EML1: variants seen among roughly 807,000 people sequenced by gnomAD.
The protein encoded by EML1 is echinoderm microtubule-associated protein-like 1.
In EML1, 27 loss-of-function variants were observed where a neutral mutation model predicts 110.4. The observed-to-expected ratio is 0.24, with a 90% CI of 0.18 to 0.34. The LOEUF (loss-of-function observed/expected upper bound fraction) is 0.34. EML1 is among the 10% of genes least tolerant of loss of function. EML1 has a pLI of 1.00. For missense variants in EML1, 741 were observed against 1,030.9 expected, an observed-to-expected ratio of 0.72 and a Z score of 3.85; for synonymous variants, 344 against 385.8, an observed-to-expected ratio of 0.89 and a Z score of 1.27.
intron 5 of EML1, chr14:99,892,334 A>G (rs2059601250): frequency 2.2e-6 from 1 of 444,932 alleles, no homozygotes; most frequent in South Asian, 9.6e-5. Context: ...GATTCATTTT[A>G]AGTTAAACGC....
At chr14:99,796,420 T>G (rs2057775880) in intron 1 of EML1, among the ~76,000 whole-genome samples, 2 of 152,150 alleles carry the variant, frequency 1.3e-5, no homozygotes, top group Admixed American at 1.3e-4. Flanking sequence ...CTTTCTCATT[T>G]AAGCAGAAAA....
chr14:99,866,080 G>A (rs1052273532), intron 3 of EML1, among the ~76,000 whole-genome samples: 2 of 152,150 alleles, frequency 1.3e-5, no homozygotes, highest in East Asian at 3.9e-4. Context: ...AAATATTGAT[G>A]TTATCTGTCA....
At chr14:99,835,365 T>G (rs1250900274) in intron 1 of EML1, among the ~76,000 whole-genome samples, 1 of 152,238 alleles carries the variant, frequency 6.6e-6, no homozygotes, top group African/African-American at 2.4e-5. Flanking sequence ...CTTTTTTTCC[T>G]TGATCAATTT....
At chr14:99,755,184 T>C (rs1429751851) in intron 1 of EML1, among the ~76,000 whole-genome samples, 1 of 152,180 alleles carries the variant, frequency 6.6e-6, no homozygotes, top group African/African-American at 2.4e-5. Flanking sequence ...GCATGAATAA[T>C]GGAAAGGCTG....
chr14:99,754,347 C>A (rs1418353913), intron 1 of EML1, among the ~76,000 whole-genome samples: 3 of 152,232 alleles, frequency 2.0e-5, no homozygotes, highest in Non-Finnish European at 4.4e-5. Context: ...TGGCATGCCA[C>A]CTCCCCTGCC....
intron 3 of EML1, among the ~76,000 whole-genome samples, chr14:99,869,132 A>C (rs906096869): frequency 6.6e-6 from 1 of 151,990 alleles, no homozygotes; most frequent in Admixed American, 6.5e-5. Context: ...GCCTCATTTT[A>C]TTGTGTCTGG....
At chr14:99,766,071 C>T (rs1434959076) in intron 1 of EML1, among the ~76,000 whole-genome samples, 5 of 152,066 alleles carry the variant, frequency 3.3e-5, no homozygotes, top group Non-Finnish European at 7.4e-5. Flanking sequence ...CACCTTTTGT[C>T]GATTGTGAAT....
chr14:99,865,052 C>T (rs2059071995), intron 2 of EML1, among the ~76,000 whole-genome samples: 2 of 151,966 alleles, frequency 1.3e-5, no homozygotes, highest in South Asian at 4.1e-4. Context: ...TATTGTGTAC[C>T]TTCTTTCTTA....
intron 1 of EML1, among the ~76,000 whole-genome samples, chr14:99,818,748 T>C (rs1388067752): frequency 4.0e-5 from 6 of 151,790 alleles, no homozygotes; most frequent in African/African-American, 1.5e-4. Context: ...AGAAGGAGAG[T>C]GTGGACTTGC....
Position 99,781,875 on chromosome 14 carries a change from G to A in EML1, c.-27+7862G>A, listed in dbSNP as rs1297014482. 1.1e-4 allele frequency among the ~76,000 whole-genome samples: 17 copies of A among 152,290 alleles called. No individual in the cohort carries two copies. The highest frequency in any genetic ancestry group is 1.1e-3 in the Admixed American group (17 of 15,300). ...TCTCCCAGACTCCTTGAGGCTGGAG[G>A]TATGCTCCCCCGCTTTTGACTTCTG... On this transcript the variant is annotated intron_variant, in intron 1 of 22. Transcript: ENST00000327921. The surrounding 1 kb of genome is among the most constrained non-coding windows in gnomAD (Gnocchi z 4.2).
At chr14:99,921,177 G>T (rs1446236039) in intron 17 of EML1, among the ~76,000 whole-genome samples, 1 of 152,076 alleles carries the variant, frequency 6.6e-6, no homozygotes, top group African/African-American at 2.4e-5. Context: ...GCGGTATTTG[G>T]TTTTCTGTTC....
At chr14:99,867,799 G>C (rs947626267) in intron 3 of EML1, among the ~76,000 whole-genome samples, 2 of 152,024 alleles carry the variant, frequency 1.3e-5, no homozygotes, top group African/African-American at 4.8e-5. Flanking sequence ...TTCCTATTTG[G>C]ATGCCTTTCA....
At chr14:99,857,890 A>C (rs140455005) in intron 2 of EML1, among the ~76,000 whole-genome samples, 1 of 152,060 alleles carries the variant, frequency 6.6e-6, no homozygotes, top group Non-Finnish European at 1.5e-5. Flanking sequence ...TTATATTTCT[A>C]TTATATTGAA....
intron 1 of EML1, among the ~76,000 whole-genome samples, chr14:99,816,604 G>A (rs1335156929): frequency 6.6e-6 from 1 of 152,258 alleles, no homozygotes; most frequent in Non-Finnish European, 1.5e-5. Flanking sequence ...TGGTCCATAG[G>A]TCTTCTTCTG....
intron 8 of EML1, among the ~76,000 whole-genome samples, chr14:99,900,181 CTTTTT>C (rs3071437): frequency 8.4e-5 from 9 of 106,624 alleles, no homozygotes; most frequent in Non-Finnish European, 1.5e-4. Context: ...ATATTAAGCT[CTTTTT>C]TTTTTTTTTT....
At chr14:99,926,575 G>A (rs1595492936) in intron 17 of EML1, among the ~76,000 whole-genome samples, 4 of 151,892 alleles carry the variant, frequency 2.6e-5, no homozygotes, top group East Asian at 1.9e-4. Flanking sequence ...ATAAGCCACT[G>A]CCCCTGGCAG....
chr14:99,782,711 G>A (rs1000701837), intron 1 of EML1, among the ~76,000 whole-genome samples: 1 of 152,106 alleles, frequency 6.6e-6, no homozygotes, highest in Non-Finnish European at 1.5e-5. Flanking sequence ...ATGAGCAAGA[G>A]TTACCGGACC....
intron 1 of EML1, among the ~76,000 whole-genome samples, chr14:99,837,522 C>A (rs1566890657): frequency 6.6e-6 from 1 of 152,134 alleles, no homozygotes; most frequent in Non-Finnish European, 1.5e-5. Flanking sequence ...AATTTTTTTA[C>A]AGTAACAACG....
upstream of EML1, among the ~76,000 whole-genome samples, chr14:99,772,495 G>C (rs1339349610): frequency 6.6e-6 from 1 of 152,214 alleles, no homozygotes; most frequent in African/African-American, 2.4e-5. Context: ...CCTGAAGACA[G>C]AGCTGTGAAA....
Sources: allele counts gnomAD v4.1 joint callset (sites outside exome capture counted in the v4.1 genomes callset), GRCh38; gene constraint gnomAD v4.1.1; non-coding constraint Gnocchi (gnomAD v3.1); transcripts MANE v1.5; gene names NCBI Gene and HGNC (gene_info 2026-07-23, HGNC 2026-07-21).